TARS3: variants seen among roughly 807,000 people sequenced by gnomAD.
TARS3 encodes the protein threonine--tRNA ligase 2, cytoplasmic.
TARS3 carries 94 observed loss-of-function variants against 103.5 expected under a neutral mutation model. The ratio of observed to expected loss-of-function variants is 0.91; its 90% CI spans 0.77 to 1.08. The LOEUF is 1.08. Ranked by LOEUF, TARS3 falls within the 50% of genes least tolerant of loss-of-function variation. TARS3 has a pLI of 0.00. For synonymous variants in TARS3, 416 were observed against 355.4 expected (o/e 1.17, Z -1.92); for missense variants, 952 against 995.2 (o/e 0.96, Z 0.58).
In TARS3 at chr15:101,654,625, T is replaced by A. The variant is rs1045174692; in HGVS notation, c.2366A>T (p.Asn789Ile). The change falls in exon 19 of 19, where the codon AAT becomes ATT. Residue 789 changes from asparagine (N) to isoleucine (I), a missense_variant. Transcript: ENST00000335968. Reference sequence around the variant, plus strand: ...ATTGAGTGTCCGTGTCTTCCTGAGATTCTTCAGTTTATCAATGGCAGAAGT... The same window carrying A: ...ATTGAGTGTCCGTGTCTTCCTGAGAATCTTCAGTTTATCAATGGCAGAAGT... ...LVTSAIDKLK[N>I]LRKTRTLNAE... 3.1e-6 allele frequency: 5 copies of A among 1,614,142 alleles called. No homozygotes were observed. Among genetic ancestry groups the A allele is most frequent in the African/African-American group, 2.7e-5 (2 of 75,046 alleles).
At chr15:101,669,105 T>C (rs1328515476) in intron 15 of TARS3, among the ~76,000 whole-genome samples, 5 of 152,184 alleles carry the variant, frequency 3.3e-5, no homozygotes, top group African/African-American at 1.2e-4. Context: ...CCCTGGAACC[T>C]TCCACTGGGA....
At chr15:101,708,325 T>C (rs1003934060) in intron 6 of TARS3, among the ~76,000 whole-genome samples, 9 of 144,300 alleles carry the variant, frequency 6.2e-5, no homozygotes, top group African/African-American at 2.3e-4. Flanking sequence ...TTCTCCAATA[T>C]GTATGTTTTA....
chr15:101,715,079 T>C (rs1189872303), intron 3 of TARS3, 116 bp from the exon 4 acceptor site: 2 of 915,966 alleles, frequency 2.2e-6, no homozygotes, highest in Admixed American at 5.9e-5. Context: ...AGTACAAACA[T>C]AAACTAATAG....
intron 2 of TARS3, among the ~76,000 whole-genome samples, chr15:101,721,641 C>T (rs1411091106): frequency 1.3e-5 from 2 of 152,096 alleles, no homozygotes; most frequent in Non-Finnish European, 2.9e-5. Context: ...ATTACAGGCA[C>T]GCACCACCCT....
At chr15:101,704,547 T>G (rs1178925279) in intron 7 of TARS3, among the ~76,000 whole-genome samples, 1 of 151,352 alleles carries the variant, frequency 6.6e-6, no homozygotes, top group Non-Finnish European at 1.5e-5. Context: ...CCCAGCTACT[T>G]GGGAGGCTGA....
chr15:101,661,590 ACTTTT>A lies in TARS3; in HGVS notation c.2072+117_2072+121del, dbSNP rs2141381456. 5.0e-6 allele frequency: 3 copies of A among 601,300 alleles called. No homozygotes were observed. The East Asian group carries it at 9.5e-5, about 19-fold the overall frequency. The allele number at this position is 601,300 out of a possible 1,614,324, so 37.2% of individuals were successfully genotyped here. On this transcript the variant is annotated intron_variant, in intron 16 of 18. Transcript: ENST00000335968. ...AGGAAAGGCCCTTTCTTTTGTTACT[ACTTTT>A]TTCTTTTACACATGATTTTTTAAGA...
At chr15:101,722,342 C>G (rs1900516890) in intron 2 of TARS3, among the ~76,000 whole-genome samples, 1 of 151,558 alleles carries the variant, frequency 6.6e-6, no homozygotes, top group Admixed American at 6.6e-5. Context: ...CCATCGTACT[C>G]TGTTCTCTAG....
At chr15:101,677,851 C>T (rs781680717) in intron 12 of TARS3, among the ~76,000 whole-genome samples, 8 of 151,906 alleles carry the variant, frequency 5.3e-5, no homozygotes, top group African/African-American at 7.3e-5. Flanking sequence ...AGTCTGGTCT[C>T]GAACTCCCAA....
At chr15:101,705,164 G>T (rs555929131) in intron 7 of TARS3, among the ~76,000 whole-genome samples, 74 of 152,276 alleles carry the variant, frequency 4.9e-4, no homozygotes, top group African/African-American at 1.6e-3. Flanking sequence ...AGTGATTCTG[G>T]TATTAACTTC....
At chr15:101,674,698 C>T (rs554017376) in intron 13 of TARS3, among the ~76,000 whole-genome samples, 35 of 151,546 alleles carry the variant, frequency 2.3e-4, no homozygotes, top group African/African-American at 3.1e-4. Flanking sequence ...CCCAGCTACT[C>T]GGGACGCTGA....
chr15:101,653,874 T>C lies in TARS3; in HGVS notation c.*708A>G, dbSNP rs1474407262. The stretch of plus-strand genomic sequence containing the variant: ...ATGGAATGTCATCCCATCAAAAAAG[T>C]AACAACTCTAGGTGAGCGGCTTAGT... On this transcript the variant is annotated 3_prime_UTR_variant, in exon 19 of 19. Coordinates refer to ENST00000335968, the MANE Select transcript of TARS3 (RefSeq NM_152334.3). The C allele has an allele frequency of 6.6e-6, 1 of 152,212 alleles. No individual in the cohort carries two copies. The highest frequency in any genetic ancestry group is 1.5e-5 in the Non-Finnish European group (1 of 68,042). 9.4% of individuals were successfully genotyped at this position (152,212 alleles called of 1,614,324 possible).
At position 101,675,601 on chromosome 15, in the gene TARS3, T is replaced by A. The variant is rs758532653; in HGVS notation, c.1787A>T (p.Lys596Met). 10 of 1,612,676 alleles carry A rather than the reference T, an allele frequency of 6.2e-6. No individual in the cohort carries two copies. Among genetic ancestry groups the A allele is most frequent in the Non-Finnish European group, 8.5e-6 (10 of 1,179,568 alleles). Residue 596 changes from lysine to methionine, a missense_variant and splice_region_variant, in exon 13 of 19, where the codon AAG (lysine) becomes ATG (methionine). Lys to Met is a moderately conservative substitution (Grantham distance 95, BLOSUM62 -1). Transcript: ENST00000335968. ...GEIEMWNEAE[K>M]QLQNSLMDFG... ...GGAAGCACAAGGTGTGTCTCTTACC[T>A]TCTCAGCCTCATTCCACATCTCAAT...
chr15:101,656,946 G>A lies in TARS3; in HGVS notation c.2236C>T (p.Leu746=), dbSNP rs369599159. ...CCCAAAATAAAATTATACTGAGCCA[G>A]CTGTGCATTTCGTATTTTCTTATTT... ...TLNKKIRNAQ[L]AQYNFILVVG... The change falls in exon 18 of 19, where the codon CTG becomes TTG. Residue 746 remains leucine, a synonymous_variant. Coordinates refer to ENST00000335968, the MANE Select transcript of TARS3 (RefSeq NM_152334.3). 7.7e-5 allele frequency: 124 copies of A among 1,611,090 alleles called. No homozygotes were observed. The highest frequency in any genetic ancestry group is 9.1e-5 in the Non-Finnish European group (107 of 1,177,748).
chr15:101,655,774 G>T (rs1897179296), intron 18 of TARS3: 2 of 1,167,300 alleles, frequency 1.7e-6, no homozygotes, highest in Middle Eastern at 3.7e-4. Flanking sequence ...AGAGTGGGGA[G>T]CTCTTACAGG....
rs1276191138 is a variant in TARS3, at chr15:101,708,857, A to C, written c.866T>G (p.Ile289Arg). 1 of 1,613,386 alleles carries C rather than the reference A, an allele frequency of 6.2e-7. No individual in the cohort carries two copies. The highest frequency in any genetic ancestry group is 8.5e-7 in the Non-Finnish European group (1 of 1,179,834). Reference sequence around the variant, plus strand: ...TCTTTCAAAAGGTTGCTTTTCTTTTATGATGGCTTTACATATATTCTCCAG... The same window carrying C: ...TCTTTCAAAAGGTTGCTTTTCTTTTCTGATGGCTTTACATATATTCTCCAG... ...SALENICKAI[I>R]KEKQPFERLE... The change falls in exon 6 of 19, where the codon ATA (isoleucine) becomes AGA (arginine). Residue 289 changes from isoleucine to arginine, a missense_variant. Physicochemically the swap from Ile to Arg is moderately conservative, Grantham distance 97. This residue lies in a region of TARS3 where 540 missense variants were observed against 631.0 expected (regional missense o/e 0.86). Transcript: ENST00000335968.
chr15:101,662,984 A>C (rs1897439829), intron 15 of TARS3, among the ~76,000 whole-genome samples: 1 of 152,242 alleles, frequency 6.6e-6, no homozygotes. Flanking sequence ...ATAAATTTGA[A>C]GAGAATAACT....
chr15:101,691,100 G>A (rs1898698169), intron 10 of TARS3, among the ~76,000 whole-genome samples: 3 of 151,428 alleles, frequency 2.0e-5, no homozygotes, highest in Non-Finnish European at 2.9e-5. Context: ...CACCACGCCT[G>A]GCTAATTTTT....
At chr15:101,700,800 C>T (rs1455484339) in intron 10 of TARS3, among the ~76,000 whole-genome samples, 1 of 152,092 alleles carries the variant, frequency 6.6e-6, no homozygotes, top group Non-Finnish European at 1.5e-5. Context: ...CACCACCACA[C>T]TCGGCTAATT....
At chr15:101,701,330 C>T (rs1899264231) in intron 9 of TARS3, 146 bp from the exon 10 acceptor site, 8 of 485,320 alleles carry the variant, frequency 1.6e-5, no homozygotes, top group Non-Finnish European at 2.6e-5. Flanking sequence ...ATGCATGCAA[C>T]AGCATATGTA....
Sources: allele counts gnomAD v4.1 joint callset (sites outside exome capture counted in the v4.1 genomes callset), GRCh38; gene constraint gnomAD v4.1.1; regional missense constraint gnomAD v4.1.1; transcripts MANE v1.5; gene names NCBI Gene and HGNC (gene_info 2026-07-23, HGNC 2026-07-21).